VCAN: variants seen among roughly 807,000 people sequenced by gnomAD.
The protein encoded by VCAN is versican core protein.
VCAN carries 44 observed loss-of-function variants against 245.5 expected under a neutral mutation model. The observed-to-expected ratio is 0.18, with a 90% CI of 0.14 to 0.23. The LOEUF (loss-of-function observed/expected upper bound fraction) is 0.23, where lower values mean the gene tolerates loss of function less well. Ranked by LOEUF, VCAN falls within the 10% of genes least tolerant of loss-of-function variation. VCAN has a pLI of 1.00. For missense variants in VCAN, 3,793 were observed against 4,057.9 expected, an observed-to-expected ratio of 0.93 and a Z score of 1.77; for synonymous variants, 1,413 against 1,437.0, an observed-to-expected ratio of 0.98 and a Z score of 0.38.
chr5:83,563,365 C>G (rs182050730), intron 12 of VCAN, among the ~76,000 whole-genome samples: 13 of 152,232 alleles, frequency 8.5e-5, no homozygotes, highest in Non-Finnish European at 1.5e-5. Context: ...CACCACTCCC[C>G]CTCCAGACTG....
chr5:83,541,548 C>G lies in VCAN; in HGVS notation c.8545C>G (p.Leu2849Val), dbSNP rs1272592727. 2 of 1,613,962 alleles carry G rather than the reference C, an allele frequency of 1.2e-6. No homozygotes were observed. Residue 2849 changes from leucine to valine, a missense_variant, in exon 8 of 15, where the codon CTG becomes GTG. Coordinates refer to ENST00000265077, the MANE Select transcript of VCAN (RefSeq NM_004385.5). ...GHTEIPQPSALPGIDVGSSVM... is the reference protein window; with the variant it reads ...GHTEIPQPSAVPGIDVGSSVM... The stretch of plus-strand genomic sequence containing the variant: ...CACAGAGATCCCCCAGCCCAGTGCT[C>G]TGCCAGGAATAGACGTCGGCTCATC...
At chr5:83,576,803 A>G (rs1748500226) in intron 13 of VCAN, among the ~76,000 whole-genome samples, 1 of 152,188 alleles carries the variant, frequency 6.6e-6, no homozygotes, top group African/African-American at 2.4e-5. Context: ...CTTAATTCAC[A>G]TTTTTTGATA....
At chr5:83,526,222 G>A (rs540816416) in intron 7 of VCAN, among the ~76,000 whole-genome samples, 22 of 152,178 alleles carry the variant, frequency 1.4e-4, no homozygotes, top group Non-Finnish European at 2.5e-4. Flanking sequence ...ACAGGCATGA[G>A]CCACTGCGCC....
chr5:83,561,086 G>T (rs1747848739), intron 12 of VCAN, among the ~76,000 whole-genome samples: 1 of 152,048 alleles, frequency 6.6e-6, no homozygotes, highest in Non-Finnish European at 1.5e-5. Flanking sequence ...AACATTTTCT[G>T]CATCTCCTTC....
At position 83,581,326 on chromosome 5, in the gene VCAN, AAAAAAAAAAAAAAAAAG is replaced by A. The variant is rs1462182393; in HGVS notation, c.*896_*912del. 1 of 19,068 alleles carries A rather than the reference AAAAAAAAAAAAAAAAAG, an allele frequency of 5.2e-5. No homozygotes were observed. The highest frequency in any genetic ancestry group is 1.0e-4 in the African/African-American group (1 of 9,828). 1.2% of individuals were successfully genotyped at this position (19,068 alleles called of 1,614,324 possible). On this transcript the variant is annotated 3_prime_UTR_variant, in exon 15 of 15. Coordinates refer to ENST00000265077, the MANE Select transcript of VCAN (RefSeq NM_004385.5). ...ATTGTTAAAACACATGCAAAAAAAA[AAAAAAAAAAAAAAAAAG>A]AAATTTTGTATATATAACCATTTTA...
In VCAN at chr5:83,581,238, TCATAAGGTTACCGATCAATG is replaced by T. The variant is rs2112512666; in HGVS notation, c.*808_*827del. 1 of 146,606 alleles carries T rather than the reference TCATAAGGTTACCGATCAATG, an allele frequency of 6.8e-6. No homozygotes were observed. Among genetic ancestry groups the T allele is most frequent in the African/African-American group, 2.6e-5 (1 of 38,868 alleles). 9.1% of individuals were successfully genotyped at this position (146,606 alleles called of 1,614,324 possible). A position where few individuals can be genotyped will look rare whatever the true frequency, so the allele number is the denominator to read the frequency against. On this transcript the variant is annotated 3_prime_UTR_variant, in exon 15 of 15. Coordinates refer to ENST00000265077, the MANE Select transcript of VCAN (RefSeq NM_004385.5). ...TTTTAATGGCTTTCATAACACTAAC[TCATAAGGTTACCGATCAATG>T]CATTTCATACGGATATAGACCTAGG...
chr5:83,472,715 G>T (rs1051857499), intron 1 of VCAN, among the ~76,000 whole-genome samples: 1 of 152,158 alleles, frequency 6.6e-6, no homozygotes, highest in African/African-American at 2.4e-5. Context: ...TTCTCTCCCG[G>T]CGCCCCTGGG....
Position 83,539,684 on chromosome 5 carries a change from C to A in VCAN, c.6681C>A (p.Ile2227=). 1 of 1,613,712 alleles carries A rather than the reference C, an allele frequency of 6.2e-7. No individual in the cohort carries two copies. Among genetic ancestry groups the A allele is most frequent in the Non-Finnish European group, 8.5e-7 (1 of 1,179,978 alleles). The change falls in exon 8 of 15, where the codon ATC becomes ATA. Residue 2227 remains isoleucine (I), a synonymous_variant. Transcript: ENST00000265077. ...AACATGTAGTCACAGATTCACCAAT[C>A]AAAAAGGAAGAAAGTACAAAACATT... ...PAEHVVTDSP[I]KKEESTKHFP...
intron 2 of VCAN, among the ~76,000 whole-genome samples, chr5:83,486,620 A>T (rs1580599562): frequency 6.6e-6 from 1 of 152,248 alleles, no homozygotes; most frequent in African/African-American, 2.4e-5. Context: ...ACCATCCTTC[A>T]GCTGAAATTT....
At chr5:83,544,549 T>C (rs1747130306) in intron 8 of VCAN, among the ~76,000 whole-genome samples, 1 of 152,208 alleles carries the variant, frequency 6.6e-6, no homozygotes, top group African/African-American at 2.4e-5. Flanking sequence ...CTTAAGATTC[T>C]TGAAAGTATG....
At chr5:83,573,713 G>C (rs1227114588) in intron 13 of VCAN, among the ~76,000 whole-genome samples, 2 of 152,056 alleles carry the variant, frequency 1.3e-5, no homozygotes, top group African/African-American at 4.8e-5. Flanking sequence ...ACTAATGGCA[G>C]TTGGGGAAAA....
intron 12 of VCAN, among the ~76,000 whole-genome samples, chr5:83,568,944 A>G (rs918072295): frequency 2.0e-5 from 3 of 152,126 alleles, no homozygotes; most frequent in Non-Finnish European, 4.4e-5. Flanking sequence ...ACCCAGCTGT[A>G]TCTGAGAGTA....
intron 2 of VCAN, among the ~76,000 whole-genome samples, chr5:83,484,505 A>C (rs779736169): frequency 1.5e-5 from 2 of 133,082 alleles, no homozygotes; most frequent in African/African-American, 3.0e-5. Context: ...CCATCCATCC[A>C]TCCTTCCATC....
Position 83,512,403 on chromosome 5 carries a change from GT to G in VCAN, c.1042+10del. On this transcript the variant is annotated splice_region_variant and intron_variant, in intron 6 of 14. Transcript: ENST00000265077. ...GATGCCTACTGCTTTAAACGTAAGT[GT>G]TTGATACCTTTTTAAAAATTACAGT... 6.2e-7 allele frequency: 1 copy of G among 1,611,594 alleles called. No individual in the cohort carries two copies. The highest frequency in any genetic ancestry group is 8.5e-7 in the Non-Finnish European group (1 of 1,178,460).
In VCAN at chr5:83,538,570, T is replaced by C; in HGVS notation, c.5567T>C (p.Val1856Ala). ...TTTVSSFSLN[V>A]EYAIQAEKEV... The stretch of plus-strand genomic sequence containing the variant: ...ACTGTTTCTTCATTTTCATTAAACG[T>C]AGAGTATGCAATTCAAGCCGAAAAG... The change falls in exon 8 of 15, where the codon GTA becomes GCA. Residue 1856 changes from valine to alanine, a missense_variant. Physicochemically the swap from Val to Ala is moderately conservative, Grantham distance 64. Transcript: ENST00000265077. 1.2e-6 allele frequency: 2 copies of C among 1,613,924 alleles called. No individual in the cohort carries two copies. The highest frequency in any genetic ancestry group is 1.7e-6 in the Non-Finnish European group (2 of 1,179,934).
chr5:83,579,892 T>C, intron 13 of VCAN, 88 bp from the exon 14 acceptor site: 1 of 1,410,990 alleles, frequency 7.1e-7, no homozygotes, highest in African/African-American at 1.4e-5. Flanking sequence ...CTTACTTTGG[T>C]ACCATAAAGA....
At chr5:83,504,384 AT>A (rs557999767) in intron 5 of VCAN, among the ~76,000 whole-genome samples, 4,190 of 140,858 alleles carry the variant, frequency 0.03, 128 homozygotes, top group African/African-American at 0.097. Context: ...ACCTTGATGA[AT>A]TTTTTTTTTT....
rs930753634 is a variant in VCAN, at chr5:83,581,034, A to C, written c.*600A>C. On this transcript the variant is annotated 3_prime_UTR_variant, in exon 15 of 15. Coordinates refer to ENST00000265077, the MANE Select transcript of VCAN (RefSeq NM_004385.5). ...TCAGCCATAGGTGCAGTTTGCTTCT[A>C]CATGATGCTAAAGGCTGCGAATGGG... is the stretch of plus-strand genomic sequence containing the variant. The C allele has an allele frequency of 1.2e-5, 2 of 165,628 alleles. No homozygotes were observed. Among genetic ancestry groups the C allele is most frequent in the South Asian group, 1.5e-4 (1 of 6,538 alleles). The allele number at this position is 165,628 out of a possible 1,614,324, so 10.3% of individuals were successfully genotyped here. A position where few individuals can be genotyped will look rare whatever the true frequency, so the allele number is the denominator to read the frequency against.
At chr5:83,494,616 A>G (rs1338866633) in intron 5 of VCAN, among the ~76,000 whole-genome samples, 1 of 152,194 alleles carries the variant, frequency 6.6e-6, no homozygotes, top group South Asian at 2.1e-4. Context: ...TTTGAGTTCA[A>G]TAGTACCGAC....
Sources: allele counts gnomAD v4.1 joint callset (sites outside exome capture counted in the v4.1 genomes callset), GRCh38; gene constraint gnomAD v4.1.1; transcripts MANE v1.5; gene names NCBI Gene and HGNC (gene_info 2026-07-23, HGNC 2026-07-21).